The following MIOS variants were observed in gnomAD, a reference collection of about 807,000 sequenced individuals.
The protein encoded by MIOS is meiosis regulator for oocyte development.
MIOS carries 52 observed loss-of-function variants against 96.9 expected under a neutral mutation model. The ratio of observed to expected loss-of-function variants is 0.54; its 90% CI spans 0.43 to 0.68. The LOEUF (loss-of-function observed/expected upper bound fraction) is 0.68, where lower values mean the gene tolerates loss of function less well. Ranked by LOEUF, MIOS falls within the 30% of genes least tolerant of loss-of-function variation. MIOS has a pLI of 0.00. For synonymous variants in MIOS, 397 were observed against 359.5 expected (o/e 1.10, Z -1.18); for missense variants, 1,005 against 1,052.8 (o/e 0.95, Z 0.63).
chr7:7,566,906 C>T lies in MIOS; in HGVS notation c.-387C>T, dbSNP rs984442082. The T allele has an allele frequency of 2.0e-5, 3 of 152,186 alleles. No individual in the cohort carries two copies. Among genetic ancestry groups the T allele is most frequent in the African/African-American group, 7.2e-5 (3 of 41,458 alleles). The allele number at this position is 152,186 out of a possible 1,614,324, so 9.4% of individuals were successfully genotyped here. A position where few individuals can be genotyped will look rare whatever the true frequency, so the allele number is the denominator to read the frequency against. Reference sequence around the variant, plus strand: ...CTCCCCTTCCAAGGCCGAGGCGCCGCTGCGCGTCCTCCAGGCGTGGTGGTG... The same window carrying T: ...CTCCCCTTCCAAGGCCGAGGCGCCGTTGCGCGTCCTCCAGGCGTGGTGGTG... On this transcript the variant is annotated 5_prime_UTR_variant, in exon 1 of 13. Transcript: ENST00000340080.
rs547211670 is a variant in MIOS at position 7,597,528 on chromosome 7, C to G, written c.2401+1067C>G. Among the ~76,000 whole-genome samples the G allele has an allele frequency of 5.1e-4, 37 of 71,960 alleles. 2 individuals carry two copies. The highest frequency in any genetic ancestry group is 1.6e-3 in the African/African-American group (33 of 21,040). 47.2% of individuals were successfully genotyped at this position (71,960 alleles called of 152,430 possible). On this transcript the variant is annotated intron_variant, in intron 11 of 12. Transcript: ENST00000340080. ...TATATATATATATATGAAGGCAATACGTAATGTTTTAAATGTACATTTTAG... is the reference window on the plus strand; with the variant it reads ...TATATATATATATATGAAGGCAATAGGTAATGTTTTAAATGTACATTTTAG...
At chr7:7,586,865 A>G (rs1783902115) in intron 7 of MIOS, among the ~76,000 whole-genome samples, 1 of 152,210 alleles carries the variant, frequency 6.6e-6, no homozygotes, top group Non-Finnish European at 1.5e-5. Flanking sequence ...AGTGTTAGAG[A>G]ATGATAGAGA....
chr7:7,575,835 G>T (rs1239635415), intron 5 of MIOS, among the ~76,000 whole-genome samples: 1 of 151,672 alleles, frequency 6.6e-6, no homozygotes, highest in Non-Finnish European at 1.5e-5. Context: ...ACTACTGTTG[G>T]AAAGATTTCC....
intron 10 of MIOS, 83 bp downstream of exon 10, chr7:7,595,215 T>G: frequency 1.4e-6 from 2 of 1,409,982 alleles, no homozygotes; most frequent in Admixed American, 4.4e-5. Context: ...ATTATTTTGC[T>G]TATATTGAGT....
At chr7:7,578,393 G>A (rs1226380414) in intron 5 of MIOS, among the ~76,000 whole-genome samples, 1 of 152,158 alleles carries the variant, frequency 6.6e-6, no homozygotes, top group Non-Finnish European at 1.5e-5. Context: ...TGCTTAAAGA[G>A]TAAACTCTAC....
intron 12 of MIOS, 40 bp downstream of exon 12, chr7:7,606,111 G>A (rs762787469): frequency 6.2e-7 from 1 of 1,609,064 alleles, no homozygotes; most frequent in Non-Finnish European, 8.5e-7. Context: ...TTGGAGTTAT[G>A]GGGGATAACA....
Position 7,596,300 on chromosome 7 carries a change from G to A in MIOS, c.2240G>A (p.Ser747Asn), listed in dbSNP as rs747022508. The change falls in exon 11 of 13, where the codon AGC (serine) becomes AAC (asparagine). Residue 747 changes from serine (S) to asparagine (N), a missense_variant. Ser to Asn is a conservative substitution (Grantham distance 46). This residue lies in a region of MIOS where 865 missense variants were observed against 887.9 expected (regional missense o/e 0.97). Coordinates refer to ENST00000340080, the MANE Select transcript of MIOS (RefSeq NM_019005.4). The part of the protein sequence containing the change: ...CNFCGKSISY[S>N]CSAVPHQGRG... ...TTCTGTGGCAAGTCAATCTCCTACA[G>A]CTGTTCAGCTGTGCCTCATCAGGGC... The A allele has an allele frequency of 3.1e-6, 5 of 1,614,104 alleles. No homozygotes were observed. The South Asian group carries it at 5.5e-5, about 18-fold the overall frequency.
At chr7:7,567,413 C>G (rs955686484) in intron 1 of MIOS, 194 bp from the exon 2 acceptor site, 1 of 152,298 alleles carries the variant, frequency 6.6e-6, no homozygotes, top group African/African-American at 2.4e-5. Context: ...CCTGCTTTAC[C>G]TAGAATAGCA....
At chr7:7,580,772 C>T (rs1312747483) in intron 5 of MIOS, among the ~76,000 whole-genome samples, 5 of 149,484 alleles carry the variant, frequency 3.3e-5, no homozygotes, top group Non-Finnish European at 5.9e-5. Context: ...CTGCAACCTC[C>T]GCCTCCCAGG....
rs1369160629 is a variant in MIOS, at chr7:7,607,629, T to C, written c.*537T>C. On this transcript the variant is annotated 3_prime_UTR_variant, in exon 13 of 13. Transcript: ENST00000340080. ...ATATTTTTTATTACTGTCTGTTATA[T>C]ATGTGTCTATGTGTGTGTGTATATT... is the stretch of plus-strand genomic sequence containing the variant. The C allele has an allele frequency of 1.3e-5, 2 of 152,382 alleles. No individual in the cohort carries two copies. Among genetic ancestry groups the C allele is most frequent in the Non-Finnish European group, 2.9e-5 (2 of 68,202 alleles). The allele number at this position is 152,382 out of a possible 1,614,324, so 9.4% of individuals were successfully genotyped here.
At chr7:7,598,255 C>G (rs1377444307) in intron 11 of MIOS, among the ~76,000 whole-genome samples, 3 of 152,164 alleles carry the variant, frequency 2.0e-5, no homozygotes, top group East Asian at 1.9e-4. Context: ...GTTACTTGCA[C>G]CTTCCTCTGG....
At chr7:7,583,682 TA>T (rs1391362308) in intron 6 of MIOS, among the ~76,000 whole-genome samples, 3 of 150,058 alleles carry the variant, frequency 2.0e-5, no homozygotes, top group Non-Finnish European at 4.5e-5. Context: ...TTTTTTAAAA[TA>T]TATTTTCTTA....
intron 11 of MIOS, among the ~76,000 whole-genome samples, chr7:7,603,297 A>G (rs1339905482): frequency 6.6e-6 from 1 of 151,904 alleles, no homozygotes; most frequent in Non-Finnish European, 1.5e-5. Context: ...AATGGGAGAA[A>G]ATTTTTGCAA....
intron 10 of MIOS, 56 bp from the exon 11 acceptor site, chr7:7,596,201 T>G (rs542180459): frequency 2.1e-6 from 3 of 1,462,160 alleles, no homozygotes; most frequent in Non-Finnish European, 2.8e-6. Flanking sequence ...ACTAAGTTAT[T>G]TAGCATTCCA....
At chr7:7,585,428 T>C (rs1458542134) in intron 6 of MIOS, among the ~76,000 whole-genome samples, 1 of 149,768 alleles carries the variant, frequency 6.7e-6, no homozygotes, top group African/African-American at 2.4e-5. Context: ...TTTTTTTTTT[T>C]TTCAAGAGTA....
rs967638989 is a variant in MIOS, at chr7:7,593,927, C to G, written c.2044-1053C>G. On this transcript the variant is annotated intron_variant, in intron 9 of 12. Transcript: ENST00000340080. ...GAAAAGAAAAAAAGAAAACCTAAAG[C>G]AAGCATAGATGAAATGTGGAATGTC... 2.8e-5 allele frequency among the ~76,000 whole-genome samples: 4 copies of G among 144,936 alleles called. No homozygotes were observed. The East Asian group carries it at 7.9e-4, about 29-fold the overall frequency.
In MIOS at chr7:7,594,980, G is replaced by T. The variant is rs1784162526; in HGVS notation, c.2044G>T (p.Gly682Cys). Residue 682 changes from glycine to cysteine, a missense_variant and splice_region_variant, in exon 10 of 13, where the codon GGT (glycine) becomes TGT (cysteine). Gly to Cys is a radical substitution (Grantham distance 159). Coordinates refer to ENST00000340080, the MANE Select transcript of MIOS (RefSeq NM_019005.4). ...GAAATAATTCATGTTTTCGTTTTAG[G>T]GTTCACCTTTAGATGTTCTTAAAGA... Reference protein sequence around the residue: ...VQTASYCMLQGSPLDVLKDER... With the variant: ...VQTASYCMLQCSPLDVLKDER... 3.1e-6 allele frequency: 5 copies of T among 1,592,066 alleles called. No individual in the cohort carries two copies. Among genetic ancestry groups the T allele is most frequent in the African/African-American group, 1.4e-5 (1 of 73,622 alleles).
chr7:7,582,986 A>T, intron 5 of MIOS, 132 bp from the exon 6 acceptor site: 1 of 1,048,320 alleles, frequency 9.5e-7, no homozygotes, highest in East Asian at 2.7e-5. Flanking sequence ...CATAGTTCAT[A>T]TTTACACTAT....
chr7:7,606,547 C>G (rs1784536450), intron 12 of MIOS, among the ~76,000 whole-genome samples: 2 of 152,212 alleles, frequency 1.3e-5, no homozygotes, highest in Admixed American at 1.3e-4. Context: ...CTGGTTGATA[C>G]AGCATTTATA....
Sources: allele counts gnomAD v4.1 joint callset (sites outside exome capture counted in the v4.1 genomes callset), GRCh38; gene constraint gnomAD v4.1.1; regional missense constraint gnomAD v4.1.1; transcripts MANE v1.5; gene names NCBI Gene and HGNC (gene_info 2026-07-23, HGNC 2026-07-21).